Variants in RABEP1 observed in about 807,000 individuals in gnomAD.
The protein encoded by RABEP1 is rabaptin, RAB GTPase binding effector protein 1.
RABEP1 carries 51 observed loss-of-function variants against 123.4 expected under a neutral mutation model. That is an observed-to-expected ratio of 0.41 (90% CI 0.33 to 0.52). The LOEUF is 0.52. Ranked by LOEUF, RABEP1 falls within the 20% of genes least tolerant of loss-of-function variation. The pLI, the probability that RABEP1 is intolerant of heterozygous loss-of-function variation, is 0.16. For synonymous variants in RABEP1, 347 were observed against 355.2 expected (o/e 0.98, Z 0.26); for missense variants, 888 against 996.3 (o/e 0.89, Z 1.46).
chr17:5,382,844 C>T lies in RABEP1; in HGVS notation c.2488-278C>T, dbSNP rs143538160. On this transcript the variant is annotated intron_variant, in intron 17 of 17. Transcript: ENST00000537505. ...CTGAGACAGGAGAATCACTTGAACC[C>T]GGGAGGTGGAGACTACAGTGAGCCG... is the stretch of plus-strand genomic sequence containing the variant. Among the ~76,000 whole-genome samples the T allele has an allele frequency of 3.3e-3, 499 of 151,674 alleles. 2 individuals are homozygous for T. The highest frequency in any genetic ancestry group is 0.012 in the African/African-American group (486 of 41,182).
chr17:5,376,786 C>T (rs1483714094), intron 13 of RABEP1, among the ~76,000 whole-genome samples: 1 of 152,166 alleles, frequency 6.6e-6, no homozygotes, highest in Admixed American at 6.5e-5. Context: ...CAAATTTCTG[C>T]AAGTAATAGT....
Position 5,282,355 on chromosome 17 carries a change from C to G in RABEP1, c.-132C>G. The G allele has an allele frequency of 1.4e-6, 1 of 696,012 alleles. No homozygotes were observed. The highest frequency in any genetic ancestry group is 2.1e-6 in the Non-Finnish European group (1 of 487,720). The allele number at this position is 696,012 out of a possible 1,614,324, so 43.1% of individuals were successfully genotyped here. On this transcript the variant is annotated 5_prime_UTR_variant, in exon 1 of 18. Transcript: ENST00000537505. ...GCGGCTGTGGCGGCGCCGGCGGATC[C>G]AGCCTTAGCGGTTTCTCTCTGGGCG... is the stretch of plus-strand genomic sequence containing the variant.
intron 1 of RABEP1, among the ~76,000 whole-genome samples, chr17:5,294,631 G>GTTTTTTTTTT (rs1355713572): frequency 4.0e-5 from 2 of 50,120 alleles, no homozygotes; most frequent in Non-Finnish European, 9.7e-5. Flanking sequence ...AAACGGTATT[G>GTTTTTTTTTT]TCTTTTTTTT....
chr17:5,369,346 A>G (rs1910346958), intron 12 of RABEP1, among the ~76,000 whole-genome samples: 1 of 152,138 alleles, frequency 6.6e-6, no homozygotes, highest in African/African-American at 2.4e-5. Context: ...CCTACATCTG[A>G]TGCCTCCAAC....
At chr17:5,315,657 C>T (rs2075288034) in intron 2 of RABEP1, among the ~76,000 whole-genome samples, 1 of 152,160 alleles carries the variant, frequency 6.6e-6, no homozygotes, top group East Asian at 1.9e-4. Context: ...TTGAGACCAG[C>T]CTGGTCAACA....
Position 5,328,612 on chromosome 17 carries a change from C to T in RABEP1, c.164-3337C>T, listed in dbSNP as rs1434572967. Among the ~76,000 whole-genome samples, 3 of 139,738 alleles carry T rather than the reference C, an allele frequency of 2.1e-5. No homozygotes were observed. The East Asian group carries it at 6.5e-4, about 30-fold the overall frequency. 91.7% of individuals were successfully genotyped at this position (139,738 alleles called of 152,430 possible). On this transcript the variant is annotated intron_variant, in intron 2 of 17. Coordinates refer to ENST00000537505, the MANE Select transcript of RABEP1 (RefSeq NM_004703.6). ...AGTGAGCTGAGGTCGCACCACTGCA[C>T]TCTAGCCTGGGCGATAGAGTGAGAC...
chr17:5,284,767 T>C (rs1269878397), intron 1 of RABEP1, among the ~76,000 whole-genome samples: 2 of 151,978 alleles, frequency 1.3e-5, no homozygotes, highest in Admixed American at 1.3e-4. Context: ...AGTCCGGCTT[T>C]TGGGGATTTA....
intron 12 of RABEP1, among the ~76,000 whole-genome samples, chr17:5,372,664 C>G (rs557522228): frequency 6.6e-6 from 1 of 152,330 alleles, no homozygotes; most frequent in South Asian, 2.1e-4. Flanking sequence ...AGAGTACATG[C>G]TCTGTCTGAT....
chr17:5,286,378 C>T (rs2074977935), intron 1 of RABEP1, among the ~76,000 whole-genome samples: 1 of 152,104 alleles, frequency 6.6e-6, no homozygotes. Context: ...CCTGTAGTCC[C>T]AGCTACTCAG....
At chr17:5,323,123 A>G (rs1327548931) in intron 2 of RABEP1, among the ~76,000 whole-genome samples, 1 of 152,210 alleles carries the variant, frequency 6.6e-6, no homozygotes, top group East Asian at 1.9e-4. Flanking sequence ...TTATATCAAT[A>G]GATGCTGCAC....
At chr17:5,354,333 TA>T in intron 7 of RABEP1, 25 bp from the exon 8 acceptor site, 1 of 1,590,092 alleles carries the variant, frequency 6.3e-7, no homozygotes, top group South Asian at 1.1e-5. Flanking sequence ...ACTTGGGTCA[TA>T]TATATGTTTT....
Position 5,310,307 on chromosome 17 carries a change from T to C in RABEP1, c.163+1485T>C, listed in dbSNP as rs1416582917. ...TTTAAATGAAAGCTTCGTCCTTTTT[T>C]TTTTTTTTTTTTGAGATGGGAGTCT... is the stretch of plus-strand genomic sequence containing the variant. On this transcript the variant is annotated intron_variant, in intron 2 of 17. Coordinates refer to ENST00000537505, the MANE Select transcript of RABEP1 (RefSeq NM_004703.6). Among the ~76,000 whole-genome samples, 2 of 148,334 alleles carry C rather than the reference T, an allele frequency of 1.3e-5. 1 individual carries two copies. The highest frequency in any genetic ancestry group is 5.0e-5 in the African/African-American group (2 of 39,998).
At chr17:5,319,939 G>A (rs1049186201) in intron 2 of RABEP1, among the ~76,000 whole-genome samples, 1 of 152,150 alleles carries the variant, frequency 6.6e-6, no homozygotes, top group African/African-American at 2.4e-5. Context: ...AGGGAGTTGA[G>A]CAAGAGCAAG....
intron 1 of RABEP1, among the ~76,000 whole-genome samples, chr17:5,289,174 TTCC>T (rs894666173): frequency 4.6e-4 from 1 of 2,188 alleles, no homozygotes; most frequent in African/African-American, 8.8e-4. Context: ...CTTCTTCTTC[TTCC>T]TCTTCCTTTT....
chr17:5,362,361 T>C (rs61315404), intron 9 of RABEP1, among the ~76,000 whole-genome samples: 47,524 of 152,074 alleles, frequency 0.31, 8,155 homozygotes, highest in African/African-American at 0.46. Flanking sequence ...GTTGCTCAAG[T>C]GTTCCCTTTG....
At chr17:5,379,654 TTTGAG>T (rs1911289264) in intron 15 of RABEP1, among the ~76,000 whole-genome samples, 1 of 149,522 alleles carries the variant, frequency 6.7e-6, no homozygotes, top group South Asian at 2.1e-4. Flanking sequence ...GCTGCCACTC[TTTGAG>T]TTCAGACTTC....
chr17:5,334,880 CGA>C (rs1567529596), intron 3 of RABEP1, among the ~76,000 whole-genome samples: 2 of 152,074 alleles, frequency 1.3e-5, no homozygotes, highest in Non-Finnish European at 2.9e-5. Context: ...GCCTTAAGTT[CGA>C]ATTCTAGCTT....
chr17:5,343,146 G>T (rs145655222), intron 5 of RABEP1, among the ~76,000 whole-genome samples: 2 of 152,144 alleles, frequency 1.3e-5, no homozygotes, highest in South Asian at 4.1e-4. Flanking sequence ...CAGCTACTTG[G>T]GGGGCTGAGG....
In RABEP1 at chr17:5,386,152, G is replaced by A; in HGVS notation, c.*2929G>A. 3.8e-6 allele frequency: 5 copies of A among 1,314,152 alleles called. No individual in the cohort carries two copies. 81.4% of individuals were successfully genotyped at this position (1,314,152 alleles called of 1,614,324 possible). On this transcript the variant is annotated 3_prime_UTR_variant, in exon 18 of 18. Transcript: ENST00000537505. ...GATAATTCTACCTGTTTTACAATAT[G>A]GGTTTAAGCCTTCAATGGTGTTCAG...
Sources: allele counts gnomAD v4.1 joint callset (sites outside exome capture counted in the v4.1 genomes callset), GRCh38; gene constraint gnomAD v4.1.1; transcripts MANE v1.5; gene names NCBI Gene and HGNC (gene_info 2026-07-23, HGNC 2026-07-21).